Variants in EPN1 observed in about 807,000 individuals in gnomAD.
EPN1 encodes the protein epsin-1.
In EPN1, 25 loss-of-function variants were observed where a neutral mutation model predicts 56.9. The ratio of observed to expected loss-of-function variants is 0.44; its 90% CI spans 0.32 to 0.61. The LOEUF (loss-of-function observed/expected upper bound fraction) is 0.61, where lower values mean the gene tolerates loss of function less well. Among genes scored for constraint, EPN1 ranks in the 20% least tolerant of loss-of-function variants. The pLI is 0.05. For synonymous variants in EPN1, 411 were observed against 361.8 expected (o/e 1.14, Z -1.54); for missense variants, 785 against 823.7 (o/e 0.95, Z 0.58).
At chr19:55,693,351 A>G in intron 9 of EPN1, 1 of 345,712 alleles carries the variant, frequency 2.9e-6, no homozygotes, top group Non-Finnish European at 5.5e-6. Flanking sequence ...GGTGTCTCAA[A>G]GAACACGGAC....
Position 55,678,809 on chromosome 19 carries a change from G to A in EPN1, c.182G>A (p.Trp61Ter), listed in dbSNP as rs1450608673. The change falls in exon 2 of 11, where the codon TGG becomes TAG. Residue 61 changes from tryptophan (W) to a stop codon, truncating the protein, a stop_gained. Coordinates refer to ENST00000270460, the MANE Select transcript of EPN1 (RefSeq NM_001130072.2). LOFTEE classifies it high-confidence loss of function. ...VAFSEIMSMI[W>*]KRLNDHGKNW... ...TTCTCGGAGATCATGAGCATGATCT[G>A]GAAGCGGCTCAATGACCATGGCAAG... is the stretch of plus-strand genomic sequence containing the variant. The A allele has an allele frequency of 6.2e-7, 1 of 1,614,010 alleles. No homozygotes were observed. The highest frequency in any genetic ancestry group is 8.5e-7 in the Non-Finnish European group (1 of 1,179,922).
chr19:55,706,743 A>G lies in EPN1; in HGVS notation c.*11387A>G, dbSNP rs548780285. ...AAACAATAGTAAAGAGAGATTAAAA[A>G]AAAAAAGTAAATGGGCCAGGTGCGA... On this transcript the variant is annotated 3_prime_UTR_variant, in exon 11 of 11. Transcript: ENST00000270460. 1 of 152,146 alleles carries G rather than the reference A, an allele frequency of 6.6e-6. No individual in the cohort carries two copies. The highest frequency in any genetic ancestry group is 6.5e-5 in the Admixed American group (1 of 15,268). 9.4% of individuals were successfully genotyped at this position (152,146 alleles called of 1,614,324 possible).
chr19:55,679,477 G>C (rs1227287250), intron 2 of EPN1, among the ~76,000 whole-genome samples: 3 of 152,244 alleles, frequency 2.0e-5, no homozygotes, highest in African/African-American at 7.2e-5. Context: ...ATTCACGTCT[G>C]ACTTGGGGCA....
rs1312736000 is a variant in EPN1, at chr19:55,699,131, A to G, written c.*3775A>G. 3 of 152,148 alleles carry G rather than the reference A, an allele frequency of 2.0e-5. No individual in the cohort carries two copies. The highest frequency in any genetic ancestry group is 4.8e-5 in the African/African-American group (2 of 41,400). 9.4% of individuals were successfully genotyped at this position (152,148 alleles called of 1,614,324 possible). ...GCGCAGGTTTGTTACATATATATAC[A>G]TGTGCCATGTTGGTGTGCTGCACGC... On this transcript the variant is annotated 3_prime_UTR_variant, in exon 11 of 11. Coordinates refer to ENST00000270460, the MANE Select transcript of EPN1 (RefSeq NM_001130072.2).
Position 55,689,025 on chromosome 19 carries a change from C to T in EPN1, c.603+31C>T, listed in dbSNP as rs754595493. On this transcript the variant is annotated intron_variant, in intron 4 of 10. Transcript: ENST00000270460. The surrounding 1 kb of genome is among the most constrained non-coding windows in gnomAD (Gnocchi z 5.7). ...GGGCGTGCAGCTGGGGCTGTCTGTC[C>T]GCCACCCGCCTCCACGCCTCACTTC... 2.6e-5 allele frequency: 41 copies of T among 1,559,196 alleles called. 2 individuals carry two copies. Among genetic ancestry groups the T allele is most frequent in the African/African-American group, 2.4e-4 (18 of 74,088 alleles).
rs1986870925 is a variant in EPN1, at chr19:55,695,568, A to AGGACCC, written c.*213_*218dup. The AGGACCC allele has an allele frequency of 5.4e-6, 3 of 555,478 alleles. No individual in the cohort carries two copies. Among genetic ancestry groups the AGGACCC allele is most frequent in the Non-Finnish European group, 9.6e-6 (3 of 313,986 alleles). 34.4% of individuals were successfully genotyped at this position (555,478 alleles called of 1,614,324 possible). On this transcript the variant is annotated 3_prime_UTR_variant, in exon 11 of 11. Transcript: ENST00000270460. This position sits in a 1 kb window ranked among gnomAD's most constrained non-coding sequence, Gnocchi z 4.4. ...CCTGGGGAGGGGAGCTGGCCAGAGG[A>AGGACCC]GGACCCCTTTCCCGTGGCATTAGAA...
At chr19:55,685,915 C>A (rs917659624) in intron 3 of EPN1, among the ~76,000 whole-genome samples, 1 of 152,236 alleles carries the variant, frequency 6.6e-6, no homozygotes, top group African/African-American at 2.4e-5. Context: ...TCCGCTCCCC[C>A]ATAGGCTCAG....
chr19:55,709,433 G>A lies in EPN1; in HGVS notation c.*14077G>A, dbSNP rs1987610330. 2 of 152,184 alleles carry A rather than the reference G, an allele frequency of 1.3e-5. No individual in the cohort carries two copies. Among genetic ancestry groups the A allele is most frequent in the African/African-American group, 2.4e-5 (1 of 41,090 alleles). 9.4% of individuals were successfully genotyped at this position (152,184 alleles called of 1,614,324 possible). A position where few individuals can be genotyped will look rare whatever the true frequency, so the allele number is the denominator to read the frequency against. On this transcript the variant is annotated 3_prime_UTR_variant, in exon 11 of 11. Transcript: ENST00000270460. ...AGAGACACTAATATAATGAATTCAT[G>A]TACCCATCACCAACTTCTACAATTA...
chr19:55,687,589 C>T (rs1385955449), intron 3 of EPN1, among the ~76,000 whole-genome samples: 5 of 152,008 alleles, frequency 3.3e-5, no homozygotes, highest in African/African-American at 1.2e-4. Flanking sequence ...AGGAGGAAGT[C>T]ACAGGGGCAG....
At chr19:55,688,462 A>G (rs1986310900) in intron 3 of EPN1, among the ~76,000 whole-genome samples, 1 of 151,954 alleles carries the variant, frequency 6.6e-6, no homozygotes, top group South Asian at 2.1e-4. Context: ...TGCCAGAGCT[A>G]CCATTCTCAA....
rs926536669 is a variant in EPN1, at chr19:55,691,022, G to A, written c.763-732G>A. Among the ~76,000 whole-genome samples, 2 of 152,258 alleles carry A rather than the reference G, an allele frequency of 1.3e-5. No individual in the cohort carries two copies. Among genetic ancestry groups the A allele is most frequent in the East Asian group, 3.9e-4 (2 of 5,172 alleles). ...CCCCGCCGGGGCCTTTGCCTCACGG[G>A]TGCTGACTGGAGATGTGTGCATGAG... On this transcript the variant is annotated intron_variant, in intron 6 of 10. Transcript: ENST00000270460. The surrounding 1 kb of genome is among the most constrained non-coding windows in gnomAD (Gnocchi z 5.6).
In EPN1 at chr19:55,708,360, CAG is replaced by C. The variant is rs1301042558; in HGVS notation, c.*13005_*13006del. ...TTAATATTGTGTTTTGAAATATAAA[CAG>C]TGTAGATATATTTGAATAATACTGA... On this transcript the variant is annotated 3_prime_UTR_variant, in exon 11 of 11. Coordinates refer to ENST00000270460, the MANE Select transcript of EPN1 (RefSeq NM_001130072.2). 3 of 152,110 alleles carry C rather than the reference CAG, an allele frequency of 2.0e-5. No homozygotes were observed. Among genetic ancestry groups the C allele is most frequent in the Non-Finnish European group, 4.4e-5 (3 of 68,040 alleles). The allele number at this position is 152,110 out of a possible 1,614,324, so 9.4% of individuals were successfully genotyped here. A position where few individuals can be genotyped will look rare whatever the true frequency, so the allele number is the denominator to read the frequency against.
chr19:55,705,811 A>ATATATATATATATATATATATATG lies in EPN1; in HGVS notation c.*10472_*10473insATATATGTATATATATATATATAT, dbSNP rs201268771. On this transcript the variant is annotated 3_prime_UTR_variant, in exon 11 of 11. Transcript: ENST00000270460. The stretch of plus-strand genomic sequence containing the variant: ...GCTGGAATATTTGTTGTTGTGGGAT[A>ATATATATATATATATATATATATG]TATATATATATATATATTTAGAGTG... The ATATATATATATATATATATATATG allele has an allele frequency of 1.1e-4, 11 of 99,564 alleles. No homozygotes were observed. Among genetic ancestry groups the ATATATATATATATATATATATATG allele is most frequent in the African/African-American group, 2.7e-4 (8 of 29,144 alleles). 6.2% of individuals were successfully genotyped at this position (99,564 alleles called of 1,614,324 possible). A position where few individuals can be genotyped will look rare whatever the true frequency, so the allele number is the denominator to read the frequency against.
At chr19:55,681,436 T>G (rs1290385209) in intron 2 of EPN1, among the ~76,000 whole-genome samples, 4 of 152,158 alleles carry the variant, frequency 2.6e-5, no homozygotes, top group Non-Finnish European at 5.9e-5. Context: ...ACCTCACTTC[T>G]GAGGAATGCA....
In EPN1 at chr19:55,685,754, G is replaced by A. The variant is rs948836985; in HGVS notation, c.478+109G>A. 62 of 1,402,772 alleles carry A rather than the reference G, an allele frequency of 4.4e-5. No homozygotes were observed. The African/African-American group carries it at 8.7e-4, about 20-fold the overall frequency. The allele number at this position is 1,402,772 out of a possible 1,614,324, so 86.9% of individuals were successfully genotyped here. ...TCTCTCCCAGCCAGGAGGGACCGCG[G>A]CATCCCCCTTTGCTTCTCCTCACCT... On this transcript the variant is annotated intron_variant, in intron 3 of 10. Transcript: ENST00000270460.
rs1458236774 is a variant in EPN1 at position 55,707,420 on chromosome 19, T to C, written c.*12064T>C. On this transcript the variant is annotated 3_prime_UTR_variant, in exon 11 of 11. Transcript: ENST00000270460. The stretch of plus-strand genomic sequence containing the variant: ...AAATGTGAAACTGGTGTCAGGGGTA[T>C]GTTCTCCATGTTGAGCCCCTTCTGT... 2 of 152,442 alleles carry C rather than the reference T, an allele frequency of 1.3e-5. No homozygotes were observed. The highest frequency in any genetic ancestry group is 2.9e-5 in the Non-Finnish European group (2 of 68,208). 9.4% of individuals were successfully genotyped at this position (152,442 alleles called of 1,614,324 possible). A position where few individuals can be genotyped will look rare whatever the true frequency, so the allele number is the denominator to read the frequency against.
chr19:55,691,834 C>A lies in EPN1; in HGVS notation c.843C>A (p.Pro281=). Residue 281 remains proline, a synonymous_variant, in exon 7 of 11, where the codon CCC becomes CCA. Coordinates refer to ENST00000270460, the MANE Select transcript of EPN1 (RefSeq NM_001130072.2). This position sits in a 1 kb window ranked among gnomAD's most constrained non-coding sequence, Gnocchi z 5.6. The part of the protein sequence containing the change: ...PTTDPWGGPA[P]MAAAVPTAAP... ...CAGACCCCTGGGGGGGCCCAGCACC[C>A]ATGGCTGCTGCCGTCCCCACGGCTG... 1.2e-6 allele frequency: 2 copies of A among 1,608,774 alleles called. 1 individual carries two copies. The highest frequency in any genetic ancestry group is 2.2e-5 in the South Asian group (2 of 90,818).
In EPN1 at chr19:55,685,612, A is replaced by G; in HGVS notation, c.445A>G (p.Lys149Glu). The change falls in exon 3 of 11, where the codon AAG becomes GAG. Residue 149 changes from lysine (K) to glutamate (E), a missense_variant. By Grantham distance (56) the Lys-to-Glu change is moderately conservative. This residue lies in a region of EPN1 where 650 missense variants were observed against 605.0 expected (regional missense o/e 1.07). Coordinates refer to ENST00000270460, the MANE Select transcript of EPN1 (RefSeq NM_001130072.2). ...RLREERAHAL[K>E]TKEKLAQTAT... ...GCGGGAAGAGCGGGCGCACGCGCTC[A>G]AGACCAAGGAAAAGCTGGCACAGAC... 1 of 1,602,656 alleles carries G rather than the reference A, an allele frequency of 6.2e-7. No homozygotes were observed. Among genetic ancestry groups the G allele is most frequent in the Non-Finnish European group, 8.5e-7 (1 of 1,175,538 alleles).
At chr19:55,685,031 C>G (rs1464806148) in intron 2 of EPN1, among the ~76,000 whole-genome samples, 1 of 152,254 alleles carries the variant, frequency 6.6e-6, no homozygotes, top group Non-Finnish European at 1.5e-5. Context: ...AACCCATAGC[C>G]TTCAGGTGGT....
Sources: allele counts gnomAD v4.1 joint callset (sites outside exome capture counted in the v4.1 genomes callset), GRCh38; gene constraint gnomAD v4.1.1; regional missense constraint gnomAD v4.1.1; non-coding constraint Gnocchi (gnomAD v3.1); transcripts MANE v1.5; gene names NCBI Gene and HGNC (gene_info 2026-07-23, HGNC 2026-07-21).